Variants in GREB1L observed in about 807,000 individuals in gnomAD.
The protein encoded by GREB1L is GREB1 like retinoic acid receptor coactivator, also known as GREB1-like protein.
A neutral mutation model predicts 200.8 loss-of-function variants in GREB1L; 17 were observed. The observed-to-expected ratio is 0.08, with a 90% CI of 0.06 to 0.13. The LOEUF (loss-of-function observed/expected upper bound fraction) is 0.13. Among genes scored for constraint, GREB1L ranks in the 10% least tolerant of loss-of-function variants. The pLI is 1.00. For missense variants in GREB1L, 1,657 were observed against 2,367.7 expected, an observed-to-expected ratio of 0.70 and a Z score of 6.23; for synonymous variants, 789 against 893.0, an observed-to-expected ratio of 0.88 and a Z score of 2.08.
intron 15 of GREB1L, among the ~76,000 whole-genome samples, chr18:21,458,594 C>A (rs2034888035): frequency 6.6e-6 from 1 of 152,028 alleles, no homozygotes; most frequent in African/African-American, 2.4e-5. Flanking sequence ...TGTTGCAGAT[C>A]CAGCACTAAA....
intron 30 of GREB1L, among the ~76,000 whole-genome samples, chr18:21,517,017 G>A (rs2037444209): frequency 6.6e-6 from 1 of 151,676 alleles, no homozygotes; most frequent in Non-Finnish European, 1.5e-5. Context: ...GGGATTAGAG[G>A]TCCGTGCCAC....
chr18:21,293,352 T>C (rs2038479434), intron 1 of GREB1L, among the ~76,000 whole-genome samples: 1 of 152,192 alleles, frequency 6.6e-6, no homozygotes, highest in Non-Finnish European at 1.5e-5. Context: ...ATTCACCCAT[T>C]GAAGGTGGTA....
Position 21,518,195 on chromosome 18 carries a change from T to A in GREB1L, c.5433T>A (p.Pro1811=), listed in dbSNP as rs949693130. Residue 1811 remains proline, a synonymous_variant, in exon 31 of 33, where the codon CCT becomes CCA. Transcript: ENST00000424526. ...FPKAIHNFRS[P]VLAIDCYLNI... ...AAGCCATCCATAACTTCAGGAGTCC[T>A]GTGCTGGCCATTGACTGCTACCTTA... The A allele has an allele frequency of 1.1e-5, 17 of 1,551,582 alleles. No homozygotes were observed. Among genetic ancestry groups the A allele is most frequent in the Non-Finnish European group, 1.5e-5 (17 of 1,146,990 alleles).
At chr18:21,295,348 T>C (rs907056426) in intron 1 of GREB1L, among the ~76,000 whole-genome samples, 2 of 106,018 alleles carry the variant, frequency 1.9e-5, no homozygotes, top group Non-Finnish European at 3.1e-5. Context: ...CTCTGACTTC[T>C]TTTTTTTCTT....
chr18:21,501,561 A>G (rs183192404), intron 23 of GREB1L, among the ~76,000 whole-genome samples: 68 of 152,120 alleles, frequency 4.5e-4, no homozygotes, highest in African/African-American at 1.6e-3. Context: ...AAGGACATGA[A>G]CTCATTCTTT....
At chr18:21,296,631 C>G (rs1375058028) in intron 1 of GREB1L, among the ~76,000 whole-genome samples, 4 of 151,860 alleles carry the variant, frequency 2.6e-5, no homozygotes, top group Non-Finnish European at 5.9e-5. Context: ...CAACAGCACC[C>G]CAATCATTCA....
chr18:21,449,135 T>G (rs555593090), intron 11 of GREB1L, among the ~76,000 whole-genome samples: 2 of 152,356 alleles, frequency 1.3e-5, no homozygotes, highest in South Asian at 4.1e-4. Context: ...TTGGCTTCTT[T>G]TTTCATTAGT....
chr18:21,485,861 G>C, intron 18 of GREB1L, 108 bp downstream of exon 18: 1 of 1,079,368 alleles, frequency 9.3e-7, no homozygotes. Context: ...TGGAGCCCTT[G>C]CAGATGACGT....
rs537576049 is a variant in GREB1L, at chr18:21,435,345, A to G, written c.833-4176A>G. Among the ~76,000 whole-genome samples the G allele has an allele frequency of 9.2e-5, 14 of 152,354 alleles. 1 individual carries two copies. The highest frequency in any genetic ancestry group is 3.1e-4 in the African/African-American group (13 of 41,578). ...AACAAACATTTCTTGGGCACCTGCT[A>G]TAACTAGGAACTGGGAATACAAAGA... On this transcript the variant is annotated intron_variant, in intron 7 of 32. Transcript: ENST00000424526.
At chr18:21,420,387 A>C (rs1284865334) in intron 7 of GREB1L, among the ~76,000 whole-genome samples, 2 of 151,898 alleles carry the variant, frequency 1.3e-5, no homozygotes, top group Non-Finnish European at 2.9e-5. Flanking sequence ...AAAAAAAAAA[A>C]GAAAAGAAAA....
At chr18:21,270,565 C>T (rs575110768) in intron 1 of GREB1L, among the ~76,000 whole-genome samples, 6 of 152,330 alleles carry the variant, frequency 3.9e-5, no homozygotes, top group Non-Finnish European at 5.9e-5. Context: ...ACCCACTCTT[C>T]GAGTGTCCTC....
chr18:21,481,439 ATGTG>A lies in GREB1L; in HGVS notation c.2556+4119_2556+4122del, dbSNP rs34711292. On this transcript the variant is annotated intron_variant, in intron 17 of 32. Transcript: ENST00000424526. The stretch of plus-strand genomic sequence containing the variant: ...GATTTTTGAGCAACAGTATATATGT[ATGTG>A]TGTGTGTGTGTGTGTGTGTGTGTGT... 9.7e-3 allele frequency among the ~76,000 whole-genome samples: 1,243 copies of A among 127,502 alleles called. 24 individuals are homozygous for A. Among genetic ancestry groups the A allele is most frequent in the African/African-American group, 0.031 (1,029 of 33,696 alleles). The allele number at this position is 127,502 out of a possible 152,430, so 83.6% of individuals were successfully genotyped here. A position where few individuals can be genotyped will look rare whatever the true frequency, so the allele number is the denominator to read the frequency against.
At chr18:21,353,695 T>C (rs2039466227) in intron 1 of GREB1L, among the ~76,000 whole-genome samples, 1 of 152,210 alleles carries the variant, frequency 6.6e-6, no homozygotes, top group Non-Finnish European at 1.5e-5. Context: ...TTTATATGGT[T>C]TGATATGAAT....
chr18:21,499,457 G>T (rs1209720921), intron 21 of GREB1L, among the ~76,000 whole-genome samples: 3 of 152,158 alleles, frequency 2.0e-5, no homozygotes, highest in Admixed American at 2.0e-4. Flanking sequence ...GTAGAGAAAG[G>T]TGGTTCACCC....
chr18:21,474,341 A>C (rs1033370351), intron 16 of GREB1L, among the ~76,000 whole-genome samples: 11 of 152,150 alleles, frequency 7.2e-5, no homozygotes, highest in African/African-American at 2.7e-4. Flanking sequence ...CAAATGGGAG[A>C]AATTGGCTAA....
intron 17 of GREB1L, 139 bp downstream of exon 17, chr18:21,477,495 T>A: frequency 1.4e-6 from 1 of 690,058 alleles, no homozygotes; most frequent in Non-Finnish European, 2.1e-6. Context: ...ATGTAAGAGT[T>A]CAAAAATCTG....
chr18:21,379,062 A>G (rs1227817946), intron 2 of GREB1L, among the ~76,000 whole-genome samples: 1 of 151,920 alleles, frequency 6.6e-6, no homozygotes, highest in African/African-American at 2.4e-5. Context: ...TCAGCATGAT[A>G]TTTATCTGTT....
At chr18:21,243,237 G>T (rs1274451319) in intron 1 of GREB1L, among the ~76,000 whole-genome samples, 3 of 152,254 alleles carry the variant, frequency 2.0e-5, no homozygotes, top group Non-Finnish European at 2.9e-5. Flanking sequence ...AACTCCATGT[G>T]GAGATTCAGT....
chr18:21,267,551 A>G (rs1206895901), intron 1 of GREB1L, among the ~76,000 whole-genome samples: 1 of 152,044 alleles, frequency 6.6e-6, no homozygotes, highest in African/African-American at 2.4e-5. Context: ...AGTTACAGAG[A>G]GTAGGAACAA....
Sources: gnomAD v4.1 joint callset for allele counts (sites outside exome capture counted in the v4.1 genomes callset) on GRCh38, gnomAD v4.1.1 for gene constraint, MANE v1.5 for transcripts, NCBI Gene and HGNC (gene_info 2026-07-23, HGNC 2026-07-21) for gene names.